AGBL1: variants seen among roughly 807,000 people sequenced by gnomAD.
The protein encoded by AGBL1 is cytosolic carboxypeptidase 4.
Under a neutral mutation model 118.9 loss-of-function variants are expected in AGBL1, and 130 were observed. The observed-to-expected ratio is 1.09, with a 90% CI of 0.95 to 1.26. AGBL1 has a LOEUF of 1.26. Ranked by LOEUF, AGBL1 falls within the 50% of genes most tolerant of loss-of-function variation. The pLI, the probability that AGBL1 is intolerant of heterozygous loss-of-function variation, is 0.00. For synonymous variants in AGBL1, 555 were observed against 478.9 expected (o/e 1.16, Z -2.08); for missense variants, 1,584 against 1,298.1 (o/e 1.22, Z -3.38).
intron 1 of AGBL1, among the ~76,000 whole-genome samples, chr15:86,094,514 T>C (rs1596557): frequency 0.99 from 151,316 of 152,212 alleles, 75,248 homozygotes; most frequent in Middle Eastern, 1. Context: ...TGCCTGGATC[T>C]ACATGTGGGA....
At chr15:86,617,758 GCGCACA>G (rs1379390917) in intron 21 of AGBL1, among the ~76,000 whole-genome samples, 26 of 82,292 alleles carry the variant, frequency 3.2e-4, no homozygotes, top group Admixed American at 5.9e-4. Context: ...TCAACTTTAT[GCGCACA>G]CACACACACA....
At chr15:86,552,750 G>A (rs2083681514) in intron 20 of AGBL1, among the ~76,000 whole-genome samples, 1 of 152,042 alleles carries the variant, frequency 6.6e-6, no homozygotes, top group African/African-American at 2.4e-5. Flanking sequence ...ATAGATGGAG[G>A]GATTATAGGA....
chr15:86,442,577 G>A (rs10438408), intron 18 of AGBL1, among the ~76,000 whole-genome samples: 51,512 of 152,078 alleles, frequency 0.34, 10,185 homozygotes, highest in African/African-American at 0.55. Context: ...TTGGTAAGCC[G>A]CTTTCTCTTC....
At chr15:86,223,006 G>T (rs189225655) in intron 5 of AGBL1, among the ~76,000 whole-genome samples, 67 of 152,220 alleles carry the variant, frequency 4.4e-4, no homozygotes, top group African/African-American at 1.6e-3. Flanking sequence ...TTTCTATCTG[G>T]CTTTCAGAAA....
intron 23 of AGBL1, among the ~76,000 whole-genome samples, chr15:86,929,291 AG>A (rs2080579478): frequency 1.3e-5 from 2 of 152,370 alleles, no homozygotes; most frequent in Admixed American, 6.5e-5. Context: ...TTGAAGGTTG[AG>A]ATACCTTTTC....
chr15:86,594,590 C>T lies in AGBL1; in HGVS notation c.2994+40053C>T, dbSNP rs538096135. On this transcript the variant is annotated intron_variant, in intron 21 of 22. Transcript: ENST00000614907. Reference sequence around the variant, plus strand: ...TAAGGCTATTGGTCACTCTTCAGTGCCTTTAAATATCTTTGTTTTGTTCTG... The same window carrying T: ...TAAGGCTATTGGTCACTCTTCAGTGTCTTTAAATATCTTTGTTTTGTTCTG... Among the ~76,000 whole-genome samples, 6 of 152,164 alleles carry T rather than the reference C, an allele frequency of 3.9e-5. No individual in the cohort carries two copies. In the South Asian group the frequency reaches 1.2e-3, roughly 32 times the overall value.
chr15:86,373,788 G>A (rs2081000713), intron 17 of AGBL1, among the ~76,000 whole-genome samples: 1 of 152,186 alleles, frequency 6.6e-6, no homozygotes, highest in Admixed American at 6.5e-5. Context: ...CTATTTACAA[G>A]GAGTTTCTCC....
At chr15:86,433,461 C>A (rs929534520) in intron 18 of AGBL1, among the ~76,000 whole-genome samples, 1 of 152,000 alleles carries the variant, frequency 6.6e-6, no homozygotes, top group African/African-American at 2.4e-5. Flanking sequence ...GCAAGGAAGA[C>A]TGAATGAAAC....
intron 22 of AGBL1, among the ~76,000 whole-genome samples, chr15:86,864,193 A>G (rs2079595674): frequency 6.6e-6 from 1 of 152,110 alleles, no homozygotes; most frequent in Non-Finnish European, 1.5e-5. Context: ...GGTCAGCCTG[A>G]CCTGCTTGAA....
intron 18 of AGBL1, among the ~76,000 whole-genome samples, chr15:86,484,185 C>A (rs980562422): frequency 1.3e-5 from 2 of 152,088 alleles, no homozygotes; most frequent in African/African-American, 4.8e-5. Flanking sequence ...AAGCAAGTAA[C>A]AAGTGTGTGT....
chr15:86,648,842 A>T lies in AGBL1; in HGVS notation c.2995-25431A>T, dbSNP rs145595010. Among the ~76,000 whole-genome samples the T allele has an allele frequency of 5.2e-3, 786 of 152,288 alleles. 4 individuals are homozygous for T. Among genetic ancestry groups the T allele is most frequent in the African/African-American group, 0.018 (754 of 41,566 alleles). ...TAAAATGAAGTAGATGAGGAGTAAG[A>T]ACTGGCTATCAGATTTAATGAAATG... On this transcript the variant is annotated intron_variant, in intron 21 of 22. Coordinates refer to ENST00000614907, the MANE Select transcript of AGBL1 (RefSeq NM_001386094.1).
Position 86,332,431 on chromosome 15 carries a change from G to C in AGBL1, c.2374+37023G>C, listed in dbSNP as rs543854924. Among the ~76,000 whole-genome samples the C allele has an allele frequency of 1.6e-4, 24 of 152,158 alleles. No homozygotes were observed. The South Asian group carries it at 4.8e-3, about 30-fold the overall frequency. Reference sequence around the variant, plus strand: ...GGAGGCTGAGGTGGGCGGATCACGAGGTCAGGAGATCGAGACCATCCTGGC... The same window carrying C: ...GGAGGCTGAGGTGGGCGGATCACGACGTCAGGAGATCGAGACCATCCTGGC... On this transcript the variant is annotated intron_variant, in intron 17 of 22. Coordinates refer to ENST00000614907, the MANE Select transcript of AGBL1 (RefSeq NM_001386094.1).
At chr15:86,824,980 C>A (rs1260834075) in intron 22 of AGBL1, among the ~76,000 whole-genome samples, 1 of 151,998 alleles carries the variant, frequency 6.6e-6, no homozygotes, top group Admixed American at 6.6e-5. Flanking sequence ...TCACATGAAG[C>A]CAGGAGGTGG....
chr15:86,887,047 G>T (rs76422866), intron 22 of AGBL1, among the ~76,000 whole-genome samples: 4,927 of 152,200 alleles, frequency 0.032, 256 homozygotes, highest in Admixed American at 0.14. Flanking sequence ...AGAAGGTTTT[G>T]CTCATAATAT....
chr15:86,194,904 T>G (rs969535082), intron 5 of AGBL1, among the ~76,000 whole-genome samples: 1 of 152,186 alleles, frequency 6.6e-6, no homozygotes, highest in African/African-American at 2.4e-5. Context: ...GTCATTTAGG[T>G]CTTACTGTAG....
intron 18 of AGBL1, among the ~76,000 whole-genome samples, chr15:86,418,833 A>T (rs1029985886): frequency 6.6e-6 from 1 of 152,238 alleles, no homozygotes; most frequent in Admixed American, 6.5e-5. Context: ...GGGATGATTT[A>T]GTCTGGGGGT....
At chr15:86,290,504 C>G (rs1399758674) in intron 16 of AGBL1, among the ~76,000 whole-genome samples, 1 of 151,328 alleles carries the variant, frequency 6.6e-6, no homozygotes, top group Non-Finnish European at 1.5e-5. Context: ...GTGTGCACCA[C>G]CATGCCCAGC....
In AGBL1 at chr15:86,397,515, A is replaced by G. The variant is rs368965912; in HGVS notation, c.2524A>G (p.Met842Val). ...AAACTTCATCTTCAAGATCATACCC[A>G]TGCTCAACCCAGATGGTGTCATCAA... ...RENFIFKIIP[M>V]LNPDGVINGN... Residue 842 changes from methionine (M) to valine (V), a missense_variant, in exon 18 of 23, where the codon ATG (methionine) becomes GTG (valine). Coordinates refer to ENST00000614907, the MANE Select transcript of AGBL1 (RefSeq NM_001386094.1). The G allele has an allele frequency of 3.7e-6, 6 of 1,612,180 alleles. No individual in the cohort carries two copies. Among genetic ancestry groups the G allele is most frequent in the Admixed American group, 1.7e-5 (1 of 59,860 alleles).
chr15:86,116,432 C>G (rs1206401664), intron 1 of AGBL1: 10 of 152,146 alleles, frequency 6.6e-5, no homozygotes, highest in Admixed American at 6.5e-4. Context: ...GCTGGTAAAG[C>G]ATTATTTCTG....
Sources: allele counts gnomAD v4.1 joint callset (sites outside exome capture counted in the v4.1 genomes callset), GRCh38; gene constraint gnomAD v4.1.1; transcripts MANE v1.5; gene names NCBI Gene and HGNC (gene_info 2026-07-23, HGNC 2026-07-21).